The following PTPN9 variants were observed in gnomAD, a reference collection of about 807,000 sequenced individuals.
The protein encoded by PTPN9 is protein tyrosine phosphatase non-receptor type 9.
In PTPN9, 26 loss-of-function variants were observed where a neutral mutation model predicts 69.8. The ratio of observed to expected loss-of-function variants is 0.37; its 90% CI spans 0.27 to 0.52. The LOEUF (loss-of-function observed/expected upper bound fraction) is 0.52. PTPN9 is among the 20% of genes least tolerant of loss of function. PTPN9 has a pLI of 0.91. For missense variants in PTPN9, 549 were observed against 740.3 expected, an observed-to-expected ratio of 0.74 and a Z score of 3.00; for synonymous variants, 274 against 272.5, an observed-to-expected ratio of 1.01 and a Z score of -0.05.
chr15:75,567,995 C>CA (rs200988084), intron 1 of PTPN9, among the ~76,000 whole-genome samples: 25,078 of 95,678 alleles, frequency 0.26, 2,721 homozygotes, highest in Non-Finnish European at 0.32. Flanking sequence ...GACTCCGTCT[C>CA]AAAAAAAAAA....
rs71440245 is a variant in PTPN9, at chr15:75,499,399, CTTTTTTTTTTT to C, written c.968+6265_968+6275del. On this transcript the variant is annotated intron_variant, in intron 7 of 12. Transcript: ENST00000618819. ...ATGGCAACAAGACGATCTAAACCCACTTTTTTTTTTTTTTTTTTTTTTTTGAGACAGAGTCT... is the reference window on the plus strand; with the variant it reads ...ATGGCAACAAGACGATCTAAACCCACTTTTTTTTTTTTTGAGACAGAGTCT... Among the ~76,000 whole-genome samples, 7 of 84,524 alleles carry C rather than the reference CTTTTTTTTTTT, an allele frequency of 8.3e-5. No homozygotes were observed. In the East Asian group the frequency reaches 1.1e-3, roughly 13 times the overall value. 55.5% of individuals were successfully genotyped at this position (84,524 alleles called of 152,430 possible). A position where few individuals can be genotyped will look rare whatever the true frequency, so the allele number is the denominator to read the frequency against.
chr15:75,538,870 G>A (rs184919605), intron 1 of PTPN9, among the ~76,000 whole-genome samples: 78 of 152,154 alleles, frequency 5.1e-4, no homozygotes, highest in African/African-American at 1.8e-3. Context: ...TCACCTCTGG[G>A]GAGAGAAAAT....
At chr15:75,486,110 A>AT (rs1250995475) in intron 8 of PTPN9, among the ~76,000 whole-genome samples, 17 of 151,658 alleles carry the variant, frequency 1.1e-4, no homozygotes, top group Non-Finnish European at 2.5e-4. Flanking sequence ...AAAAAAAAAA[A>AT]AAAAAACAAA....
intron 1 of PTPN9, among the ~76,000 whole-genome samples, chr15:75,554,356 G>A (rs1004137835): frequency 1.1e-4 from 16 of 151,818 alleles, no homozygotes; most frequent in Admixed American, 9.9e-4. Flanking sequence ...CACCACGCCC[G>A]GCTAATTTTG....
At chr15:75,542,146 T>C (rs2075011823) in intron 1 of PTPN9, among the ~76,000 whole-genome samples, 2 of 152,192 alleles carry the variant, frequency 1.3e-5, no homozygotes, top group East Asian at 1.9e-4. Flanking sequence ...TAAAACTACA[T>C]GTGGCACAGA....
chr15:75,470,635 C>T (rs763170919), intron 11 of PTPN9, 45 bp downstream of exon 11: 18 of 1,588,264 alleles, frequency 1.1e-5, no homozygotes, highest in Admixed American at 1.7e-5. Context: ...AGTAATTATT[C>T]TCCCCCTGTT....
intron 3 of PTPN9, 93 bp from the exon 4 acceptor site, chr15:75,523,338 G>T: frequency 1.5e-6 from 2 of 1,348,592 alleles, no homozygotes; most frequent in Non-Finnish European, 2.0e-6. Context: ...TTTGATACAT[G>T]TAGAAAACAG....
intron 1 of PTPN9, among the ~76,000 whole-genome samples, chr15:75,569,984 C>A (rs2075142215): frequency 6.6e-6 from 1 of 151,982 alleles, no homozygotes; most frequent in Admixed American, 6.6e-5. Flanking sequence ...CCACTCCCAG[C>A]TAATTTTTGT....
intron 1 of PTPN9, among the ~76,000 whole-genome samples, chr15:75,541,021 G>C (rs529681790): frequency 6.6e-6 from 1 of 151,970 alleles, no homozygotes; most frequent in Non-Finnish European, 1.5e-5. Flanking sequence ...CCAGGCTGCA[G>C]TGAGCTGTGA....
intron 2 of PTPN9, among the ~76,000 whole-genome samples, chr15:75,525,113 A>G (rs141729381): frequency 2.6e-4 from 39 of 152,088 alleles, no homozygotes; most frequent in African/African-American, 9.4e-4. Flanking sequence ...GGCCTCTCCT[A>G]TGTTTAAATA....
At chr15:75,550,927 T>C (rs1172765692) in intron 1 of PTPN9, among the ~76,000 whole-genome samples, 4 of 152,104 alleles carry the variant, frequency 2.6e-5, no homozygotes, top group Non-Finnish European at 4.4e-5. Context: ...ATTACAGGCA[T>C]GAGTCAATGT....
At chr15:75,578,604 C>CG in intron 1 of PTPN9, 110 bp downstream of exon 1, 7 of 913,454 alleles carry the variant, frequency 7.7e-6, no homozygotes, top group South Asian at 3.9e-5. Flanking sequence ...GGCACGGGAG[C>CG]GGGGGGCTGC....
intron 10 of PTPN9, among the ~76,000 whole-genome samples, chr15:75,471,871 C>T (rs1042027810): frequency 2.6e-5 from 4 of 151,398 alleles, no homozygotes; most frequent in Non-Finnish European, 5.9e-5. Context: ...GAGATCGCAC[C>T]ACTTAAGGTT....
chr15:75,500,102 T>G (rs1785555322), intron 7 of PTPN9, among the ~76,000 whole-genome samples: 1 of 151,828 alleles, frequency 6.6e-6, no homozygotes. Context: ...TCACCCGAGG[T>G]CAGGAGTTTG....
chr15:75,504,225 C>G (rs1224644513), intron 7 of PTPN9, among the ~76,000 whole-genome samples: 1 of 122,816 alleles, frequency 8.1e-6, no homozygotes, highest in African/African-American at 3.2e-5. Flanking sequence ...GTCAGCCCCC[C>G]GCCCGGCCAG....
intron 1 of PTPN9, among the ~76,000 whole-genome samples, chr15:75,553,587 T>C (rs1298908549): frequency 2.0e-5 from 3 of 152,096 alleles, no homozygotes; most frequent in Non-Finnish European, 4.4e-5. Context: ...CAGTAACACA[T>C]TCATGCTCAT....
At chr15:75,475,174 T>G (rs2074589019) in intron 9 of PTPN9, among the ~76,000 whole-genome samples, 1 of 152,084 alleles carries the variant, frequency 6.6e-6, no homozygotes, top group Non-Finnish European at 1.5e-5. Context: ...GGATTACAGG[T>G]GTGAGCCACT....
At chr15:75,478,820 C>T (rs1342272264) in intron 9 of PTPN9, among the ~76,000 whole-genome samples, 1 of 152,224 alleles carries the variant, frequency 6.6e-6, no homozygotes, top group Non-Finnish European at 1.5e-5. Flanking sequence ...AGTTTGATCA[C>T]TTGATTAAGG....
intron 3 of PTPN9, 123 bp downstream of exon 3, chr15:75,524,086 C>G (rs556973128): frequency 2.6e-6 from 1 of 389,074 alleles, no homozygotes; most frequent in African/African-American, 2.1e-5. Flanking sequence ...GCACATGTAC[C>G]CTAAAACTTA....
Sources: gnomAD v4.1 joint callset for allele counts (sites outside exome capture counted in the v4.1 genomes callset) on GRCh38, gnomAD v4.1.1 for gene constraint, MANE v1.5 for transcripts, NCBI Gene and HGNC (gene_info 2026-07-23, HGNC 2026-07-21) for gene names.